RHBDF2: variants seen among roughly 807,000 people sequenced by gnomAD.
RHBDF2 encodes inactive rhomboid protein 2.
Under a neutral mutation model 95.2 loss-of-function variants are expected in RHBDF2, and 38 were observed. That is an observed-to-expected ratio of 0.40 (90% CI 0.31 to 0.52). The LOEUF (loss-of-function observed/expected upper bound fraction) is 0.52. RHBDF2 is among the 20% of genes least tolerant of loss of function. The pLI is 0.56. For missense variants in RHBDF2, 863 were observed against 1,137.7 expected (o/e 0.76, Z 3.47); for synonymous variants, 442 against 462.0 (o/e 0.96, Z 0.55).
chr17:76,475,903 C>G (rs1450401204), intron 9 of RHBDF2: 4 of 147,180 alleles, frequency 2.7e-5, no homozygotes, highest in Non-Finnish European at 5.9e-5. Context: ...TTTTCTTTTT[C>G]TTTTCTTTCT....
At chr17:76,489,524 CA>C (rs1207296073) in intron 1 of RHBDF2, among the ~76,000 whole-genome samples, 2 of 152,128 alleles carry the variant, frequency 1.3e-5, no homozygotes, top group Non-Finnish European at 2.9e-5. Flanking sequence ...GGGGTTTCAC[CA>C]TGTTAGCCAG....
At chr17:76,479,357 C>T (rs577557557) in intron 4 of RHBDF2, 80 bp from the exon 5 acceptor site, 14 of 1,531,120 alleles carry the variant, frequency 9.1e-6, no homozygotes, top group South Asian at 7.1e-5. Flanking sequence ...GGTGATGGCA[C>T]GTGTGTGCCC....
intron 2 of RHBDF2, among the ~76,000 whole-genome samples, chr17:76,485,611 G>C (rs372112440): frequency 1.3e-5 from 2 of 152,096 alleles, no homozygotes; most frequent in East Asian, 3.9e-4. Context: ...AACAAAAAAT[G>C]AGCAGATGGC....
In RHBDF2 at chr17:76,477,783, C is replaced by T. The variant is rs1429324761; in HGVS notation, c.675G>A (p.Gly225=). 1.2e-6 allele frequency: 2 copies of T among 1,610,026 alleles called. No homozygotes were observed. Among genetic ancestry groups the T allele is most frequent in the African/African-American group, 1.3e-5 (1 of 74,948 alleles). The change falls in exon 7 of 19, where the codon GGG becomes GGA. Residue 225 remains glycine (G), a splice_region_variant and synonymous_variant. Transcript: ENST00000675367. ...GTCCGGTGGCATCCAGCACCGAGCG[C>T]CCCTGTGCACGGGCAGAGGCACAGC... ...SLQAAAALLK[G]RSVLDATGQR...
intron 1 of RHBDF2, among the ~76,000 whole-genome samples, chr17:76,489,034 G>T (rs2074225508): frequency 1.3e-5 from 2 of 152,032 alleles, no homozygotes; most frequent in African/African-American, 4.8e-5. Context: ...GCTGAGGCAG[G>T]AGAGTTACTT....
chr17:76,481,384 C>A lies in RHBDF2; in HGVS notation c.141G>T (p.Met47Ile). Residue 47 changes from methionine to isoleucine, a missense_variant, in exon 3 of 19, where the codon ATG becomes ATT. This residue lies in a region of RHBDF2 where 611 missense variants were observed against 725.5 expected (regional missense o/e 0.84). Coordinates refer to ENST00000675367, the MANE Select transcript of RHBDF2 (RefSeq NM_001005498.4). ...AGGCCAGCCCCCTTACCTCAGGCAG[C>A]ATGCTGTCCTGCTCGCCAGGGGCCT... ...ETQAPGEQDSMLPERKNPAYL... is the reference protein window; with the variant it reads ...ETQAPGEQDSILPERKNPAYL... 6.2e-7 allele frequency: 1 copy of A among 1,611,370 alleles called. No individual in the cohort carries two copies. The highest frequency in any genetic ancestry group is 1.1e-5 in the South Asian group (1 of 91,048).
intron 2 of RHBDF2, among the ~76,000 whole-genome samples, chr17:76,485,411 C>CAAA (rs35202087): frequency 5.4e-4 from 34 of 62,552 alleles, no homozygotes; most frequent in African/African-American, 7.1e-4. Context: ...AACTCTGTCT[C>CAAA]AAAAAAAAAA....
intron 4 of RHBDF2, 108 bp from the exon 5 acceptor site, chr17:76,479,385 TGGG>T: frequency 6.8e-7 from 1 of 1,476,946 alleles, no homozygotes; most frequent in Non-Finnish European, 9.1e-7. Context: ...TACAGGGAGG[TGGG>T]GGGCGGATCT....
rs1370043806 is a variant in RHBDF2 at position 76,473,819 on chromosome 17, T to A, written c.1638+20A>T. ...CCCATCCCTGACCTTCCCAGACCAC[T>A]CCCCGCCAGGGACACTCACCGGCCA... is the stretch of plus-strand genomic sequence containing the variant. On this transcript the variant is annotated intron_variant, in intron 14 of 18. Transcript: ENST00000675367. 6.2e-7 allele frequency: 1 copy of A among 1,613,782 alleles called. No homozygotes were observed. The highest frequency in any genetic ancestry group is 8.5e-7 in the Non-Finnish European group (1 of 1,179,848).
At chr17:76,479,700 G>C (rs754419447) in intron 4 of RHBDF2, 33 bp downstream of exon 4, 1 of 1,528,886 alleles carries the variant, frequency 6.5e-7, no homozygotes, top group Admixed American at 1.7e-5. Flanking sequence ...TTGCTGGGTG[G>C]GGGGTGCTGG....
chr17:76,479,299 A>C, intron 4 of RHBDF2, 22 bp from the exon 5 acceptor site: 1 of 1,578,430 alleles, frequency 6.3e-7, no homozygotes, highest in Non-Finnish European at 8.6e-7. Flanking sequence ...GACAAGGGAC[A>C]GGTGGGCATA....
chr17:76,495,792 C>T (rs1158875728), intron 1 of RHBDF2, among the ~76,000 whole-genome samples: 1 of 152,190 alleles, frequency 6.6e-6, no homozygotes, highest in Non-Finnish European at 1.5e-5. Flanking sequence ...AAATGCCAGG[C>T]AGACACTTCT....
At chr17:76,493,575 A>G (rs1175572811) in intron 1 of RHBDF2, among the ~76,000 whole-genome samples, 1 of 151,972 alleles carries the variant, frequency 6.6e-6, no homozygotes, top group Admixed American at 6.5e-5. Context: ...CTGCGGCGTG[A>G]GCTCCACCGG....
chr17:76,474,093 A>G lies in RHBDF2; in HGVS notation c.1514T>C (p.Met505Thr), dbSNP rs898914919. The stretch of plus-strand genomic sequence containing the variant: ...CTTCTGGCCCAGATCAGACTTGTCC[A>G]TGGGGGGCCCAGTGTCATCCTGCCA... ...VKWQDDTGPP[M>T]DKSDLGQKRT... Residue 505 changes from methionine to threonine, a missense_variant, in exon 13 of 19, where the codon ATG becomes ACG. Physicochemically the swap from Met to Thr is moderately conservative, Grantham distance 81. Around this residue, in one of 2 missense-constraint regions of RHBDF2, gnomAD observed 611 missense variants for 725.5 expected, o/e 0.84. Coordinates refer to ENST00000675367, the MANE Select transcript of RHBDF2 (RefSeq NM_001005498.4). 6.2e-7 allele frequency: 1 copy of G among 1,608,990 alleles called. No homozygotes were observed. The highest frequency in any genetic ancestry group is 8.5e-7 in the Non-Finnish European group (1 of 1,178,204).
At position 76,473,113 on chromosome 17, in the gene RHBDF2, T is replaced by G; in HGVS notation, c.1810-8A>C. The G allele has an allele frequency of 6.2e-7, 1 of 1,610,630 alleles. No individual in the cohort carries two copies. The highest frequency in any genetic ancestry group is 8.5e-7 in the Non-Finnish European group (1 of 1,177,032). On this transcript the variant is annotated splice_polypyrimidine_tract_variant and splice_region_variant and intron_variant, in intron 16 of 18. Transcript: ENST00000675367. ...CTTGTCCAAGCAGTGCACCTGGGAG[T>G]GGGCATATGGTGCTCAGCGCCCCAG...
intron 1 of RHBDF2, among the ~76,000 whole-genome samples, chr17:76,494,730 C>T (rs1166325980): frequency 3.3e-5 from 5 of 152,012 alleles, no homozygotes; most frequent in African/African-American, 4.8e-5. Context: ...CCAGCCTGGG[C>T]GACAGAGCAA....
intron 1 of RHBDF2, among the ~76,000 whole-genome samples, chr17:76,489,804 G>A (rs1298814430): frequency 1.3e-5 from 2 of 152,226 alleles, no homozygotes; most frequent in Admixed American, 6.5e-5. Flanking sequence ...CTTCCATTCT[G>A]TAGATGGTGA....
intron 1 of RHBDF2, among the ~76,000 whole-genome samples, chr17:76,489,728 G>A (rs76890068): frequency 3.3e-5 from 5 of 152,232 alleles, no homozygotes; most frequent in Non-Finnish European, 7.3e-5. Flanking sequence ...TTAACTGTGC[G>A]GGGCCTTGTT....
chr17:76,475,198 C>T (rs1489544802), intron 9 of RHBDF2, 57 bp from the exon 10 acceptor site: 18 of 1,325,532 alleles, frequency 1.4e-5, no homozygotes, highest in Admixed American at 7.9e-5. Context: ...CCCCCAGTCC[C>T]GGCCACAGGG....
Sources: gnomAD v4.1 joint callset for allele counts (sites outside exome capture counted in the v4.1 genomes callset) on GRCh38, gnomAD v4.1.1 for gene constraint, gnomAD v4.1.1 regional missense constraint, MANE v1.5 for transcripts, NCBI Gene and HGNC (gene_info 2026-07-23, HGNC 2026-07-21) for gene names.